Variants in MTREX observed in about 807,000 individuals in gnomAD.
The protein encoded by MTREX is Mtr4 exosome RNA helicase, also known as exosome RNA helicase MTR4.
A neutral mutation model predicts 135.4 loss-of-function variants in MTREX; 76 were observed. That is an observed-to-expected ratio of 0.56 (90% CI 0.47 to 0.68). The LOEUF is 0.68. Among genes scored for constraint, MTREX ranks in the 30% least tolerant of loss-of-function variants. The pLI is 0.00. For missense variants in MTREX, 920 were observed against 1,262.1 expected (o/e 0.73, Z 4.11); for synonymous variants, 404 against 401.6 (o/e 1.01, Z -0.07).
intron 25 of MTREX, among the ~76,000 whole-genome samples, chr5:55,418,233 C>CAA (rs11446735): frequency 1.3e-3 from 160 of 124,436 alleles, no homozygotes; most frequent in African/African-American, 1.8e-3. Context: ...GACACCATCT[C>CAA]AAAAAAAAAA....
rs764249912 is a variant in MTREX, at chr5:55,378,452, G to C, written c.1949G>C (p.Cys650Ser). The change falls in exon 17 of 27, where the codon TGC becomes TCC. Residue 650 changes from cysteine (C) to serine (S), a missense_variant. Cys to Ser is a moderately radical substitution (Grantham distance 112). This residue lies in a region of MTREX where 467 missense variants were observed against 589.7 expected (regional missense o/e 0.79). Transcript: ENST00000230640. ...IEEYIHKPKYCLPFLQPGRLV... is the reference protein window; with the variant it reads ...IEEYIHKPKYSLPFLQPGRLV... ...GAATATATTCACAAACCAAAATACT[G>C]CTTACCTTTTCTACAACCAGGTCGT... The C allele has an allele frequency of 1.9e-6, 3 of 1,609,696 alleles. No individual in the cohort carries two copies. The highest frequency in any genetic ancestry group is 3.4e-5 in the Admixed American group (2 of 59,386).
chr5:55,322,374 A>G lies in MTREX; in HGVS notation c.182A>G (p.Lys61Arg). 1.2e-6 allele frequency: 2 copies of G among 1,609,400 alleles called. No individual in the cohort carries two copies. The highest frequency in any genetic ancestry group is 1.7e-6 in the Non-Finnish European group (2 of 1,177,526). The change falls in exon 2 of 27, where the codon AAA becomes AGA. Residue 61 changes from lysine (K) to arginine (R), a missense_variant. This residue lies in a region of MTREX where 136 missense variants were observed against 126.7 expected (regional missense o/e 1.07). Transcript: ENST00000230640. ...CAATCAGAATCAACTAATAATGGAA[A>G]AAATAAGAGAGATGTAGATTTCGAA... ...KLQSESTNNG[K>R]NKRDVDFEGT...
At chr5:55,310,842 TTAGCAGCTTATGGTAACCTCGAA>T (rs1328660657) in intron 1 of MTREX, among the ~76,000 whole-genome samples, 18 of 152,180 alleles carry the variant, frequency 1.2e-4, no homozygotes, top group Non-Finnish European at 2.5e-4. Context: ...GCACTGGTGC[TTAGCAGCTTATGGTAACCTCGAA>T]CTCCTGGCCT....
intron 11 of MTREX, 143 bp from the exon 12 acceptor site, chr5:55,349,430 C>A (rs72751783): frequency 0.016 from 9,430 of 574,760 alleles, 122 homozygotes; most frequent in South Asian, 0.028. Context: ...CTCAAGCCAG[C>A]CACCTGCCTC....
At chr5:55,375,613 A>G (rs562349743) in intron 16 of MTREX, among the ~76,000 whole-genome samples, 1 of 152,152 alleles carries the variant, frequency 6.6e-6, no homozygotes, top group East Asian at 1.9e-4. Flanking sequence ...CAATTTGTGC[A>G]GTTAATGCAA....
chr5:55,341,238 C>T (rs780755033), intron 6 of MTREX, among the ~76,000 whole-genome samples: 1 of 152,150 alleles, frequency 6.6e-6, no homozygotes, highest in Middle Eastern at 3.4e-3. Flanking sequence ...TGCAAGAAAA[C>T]GAGGCAGAAA....
Position 55,325,008 on chromosome 5 carries a change from A to G in MTREX, c.339+810A>G, listed in dbSNP as rs116943578. Among the ~76,000 whole-genome samples the G allele has an allele frequency of 2.7e-4, 41 of 152,326 alleles. No homozygotes were observed. In the East Asian group the frequency reaches 6.8e-3, roughly 25 times the overall value. The stretch of plus-strand genomic sequence containing the variant: ...ATTGCAGTTTCTTTGTTCTGCCACA[A>G]GATGGTGGTCAGAGATAGCTTGTAT... On this transcript the variant is annotated intron_variant, in intron 3 of 26. Transcript: ENST00000230640.
chr5:55,405,588 G>T lies in MTREX; in HGVS notation c.2645G>T (p.Ser882Ile). ...MKGRVACEIS[S>I]ADELLLTEMM... ...GGACGAGTGGCTTGTGAGATAAGCA[G>T]GTAAAATCTGGTTATTGTTCTAGAA... Residue 882 changes from serine (S) to isoleucine (I), a missense_variant and splice_region_variant, in exon 22 of 27, where the codon AGT becomes ATT. Around this residue, in one of 6 missense-constraint regions of MTREX, gnomAD observed 467 missense variants for 589.7 expected, o/e 0.79. Coordinates refer to ENST00000230640, the MANE Select transcript of MTREX (RefSeq NM_015360.5). 1 of 1,604,552 alleles carries T rather than the reference G, an allele frequency of 6.2e-7. No individual in the cohort carries two copies. Among genetic ancestry groups the T allele is most frequent in the Non-Finnish European group, 8.5e-7 (1 of 1,174,964 alleles).
chr5:55,367,168 C>G (rs1172845351), intron 16 of MTREX, among the ~76,000 whole-genome samples: 2 of 152,088 alleles, frequency 1.3e-5, no homozygotes, highest in African/African-American at 2.4e-5. Flanking sequence ...CACACAAAGC[C>G]TAGTATATTA....
intron 16 of MTREX, among the ~76,000 whole-genome samples, chr5:55,372,243 T>C (rs1750215490): frequency 6.6e-6 from 1 of 152,160 alleles, no homozygotes; most frequent in Non-Finnish European, 1.5e-5. Context: ...TAATGCGTGT[T>C]GTTACGGATG....
intron 1 of MTREX, among the ~76,000 whole-genome samples, chr5:55,318,536 G>A (rs557899540): frequency 1.2e-4 from 18 of 152,252 alleles, no homozygotes; most frequent in African/African-American, 4.1e-4. Flanking sequence ...ACCAAATACC[G>A]CATGTTCTCG....
At chr5:55,423,108 C>G (rs569082284) in intron 26 of MTREX, 126 bp downstream of exon 26, 1 of 665,086 alleles carries the variant, frequency 1.5e-6, no homozygotes, top group Admixed American at 2.9e-5. Context: ...GGAGAGCTAT[C>G]TACTAGTGTT....
chr5:55,367,677 G>A (rs1176645343), intron 16 of MTREX, among the ~76,000 whole-genome samples: 2 of 152,270 alleles, frequency 1.3e-5, no homozygotes, highest in South Asian at 2.1e-4. Context: ...AAAAGTAAAT[G>A]TCCTGTGGTA....
intron 2 of MTREX, 30 bp downstream of exon 2, chr5:55,322,494 A>G (rs1749305467): frequency 6.6e-7 from 1 of 1,526,000 alleles, no homozygotes; most frequent in African/African-American, 1.4e-5. Flanking sequence ...AAATGTTAGT[A>G]ACTCATAATT....
chr5:55,390,570 C>CACTTGCAGTGCAAA (rs1180214721), intron 19 of MTREX, among the ~76,000 whole-genome samples: 1 of 152,188 alleles, frequency 6.6e-6, no homozygotes, highest in Non-Finnish European at 1.5e-5. Context: ...TTCTAAAGAT[C>CACTTGCAGTGCAAA]ACTTGCAGTT....
At chr5:55,351,805 C>G (rs1000659182) in intron 13 of MTREX, among the ~76,000 whole-genome samples, 13 of 150,936 alleles carry the variant, frequency 8.6e-5, no homozygotes, top group African/African-American at 3.2e-4. Flanking sequence ...TGGGAAACAA[C>G]ATCAAAATGT....
At chr5:55,341,848 A>G in intron 7 of MTREX, 77 bp downstream of exon 7, 1 of 713,088 alleles carries the variant, frequency 1.4e-6, no homozygotes, top group South Asian at 2.1e-5. Context: ...GTTATTGTTA[A>G]ACTTTGCTTC....
intron 17 of MTREX, 120 bp downstream of exon 17, chr5:55,378,606 T>C (rs1750345049): frequency 7.1e-6 from 8 of 1,120,566 alleles, no homozygotes; most frequent in Middle Eastern, 3.1e-4. Flanking sequence ...AGTTGATCTA[T>C]ATTAATCATA....
At position 55,424,724 on chromosome 5, in the gene MTREX, C is replaced by G; in HGVS notation, c.3081C>G (p.Ile1027Met). The G allele has an allele frequency of 6.2e-7, 1 of 1,609,892 alleles. No individual in the cohort carries two copies. The highest frequency in any genetic ancestry group is 8.5e-7 in the Non-Finnish European group (1 of 1,176,296). ...CCTTACTTTCTTTTCTCTTAGGAATCACCAAAATCAAGAGAGATATTGTGT... is the reference window on the plus strand; with the variant it reads ...CCTTACTTTCTTTTCTCTTAGGAATGACCAAAATCAAGAGAGATATTGTGT... The part of the protein sequence containing the change: ...TELENKFAEG[I>M]TKIKRDIVFA... The change falls in exon 27 of 27, where the codon ATC (isoleucine) becomes ATG (methionine). Residue 1027 changes from isoleucine (I) to methionine (M), a missense_variant. Physicochemically the swap from Ile to Met is conservative, Grantham distance 10. Transcript: ENST00000230640.
Sources: gnomAD v4.1 joint callset for allele counts (sites outside exome capture counted in the v4.1 genomes callset) on GRCh38, gnomAD v4.1.1 for gene constraint, gnomAD v4.1.1 regional missense constraint, MANE v1.5 for transcripts, NCBI Gene and HGNC (gene_info 2026-07-23, HGNC 2026-07-21) for gene names.